Variants in TRIOBP observed in about 807,000 individuals in gnomAD.
TRIOBP encodes TRIO and F-actin binding protein, also known as TRIO and F-actin-binding protein.
In TRIOBP, 169 loss-of-function variants were observed where a neutral mutation model predicts 238.8. That is an observed-to-expected ratio of 0.71 (90% CI 0.62 to 0.80). The LOEUF is 0.80. Ranked by LOEUF, TRIOBP falls within the 30% of genes least tolerant of loss-of-function variation. TRIOBP has a pLI of 0.00. For synonymous variants in TRIOBP, 1,150 were observed against 1,274.4 expected, an observed-to-expected ratio of 0.90 and a Z score of 2.08; for missense variants, 2,838 against 3,122.6, an observed-to-expected ratio of 0.91 and a Z score of 2.17.
At position 37,725,204 on chromosome 22, in the gene TRIOBP, C is replaced by A. The variant is rs758687290; in HGVS notation, c.2648C>A (p.Pro883His). The part of the protein sequence containing the change: ...TQKENLRPSS[P>H]HRSTQWNNPR... ...AAGGAGAATCTGAGACCATCATCTC[C>A]CCACCGCTCCACTCAATGGAACAAT... Residue 883 changes from proline to histidine, a missense_variant, in exon 7 of 24, where the codon CCC becomes CAC. Pro to His is a moderately conservative substitution (Grantham distance 77). This residue lies in a region of TRIOBP where 2,096 missense variants were observed against 2,137.4 expected (regional missense o/e 0.98). Transcript: ENST00000644935. The A allele has an allele frequency of 9.9e-6, 16 of 1,614,040 alleles. No individual in the cohort carries two copies. The highest frequency in any genetic ancestry group is 1.1e-5 in the Non-Finnish European group (13 of 1,179,982).
intron 11 of TRIOBP, among the ~76,000 whole-genome samples, chr22:37,749,383 G>T (rs1197094640): frequency 6.6e-6 from 1 of 152,050 alleles, no homozygotes; most frequent in African/African-American, 2.4e-5. Context: ...AGCCGTCCCT[G>T]GAACTGTTAA....
chr22:37,768,971 C>G, intron 19 of TRIOBP, 57 bp from the exon 20 acceptor site: 1 of 1,611,512 alleles, frequency 6.2e-7, no homozygotes. Flanking sequence ...TGACTGGACT[C>G]CAGGCTTGGC....
chr22:37,704,278 G>A (rs544488435), intron 3 of TRIOBP, among the ~76,000 whole-genome samples: 15 of 152,156 alleles, frequency 9.9e-5, no homozygotes, highest in Non-Finnish European at 2.1e-4. Context: ...AGTTACTCAG[G>A]AGGCTGAGGT....
chr22:37,772,864 T>C (rs1926853630), intron 23 of TRIOBP, 100 bp downstream of exon 23: 1 of 1,426,984 alleles, frequency 7.0e-7, no homozygotes, highest in African/African-American at 1.4e-5. Context: ...TTCCTTCTTC[T>C]GGCCTCCAAT....
chr22:37,727,099 G>A (rs1334233797), intron 7 of TRIOBP, among the ~76,000 whole-genome samples: 1 of 151,458 alleles, frequency 6.6e-6, no homozygotes, highest in Non-Finnish European at 1.5e-5. Flanking sequence ...ACTAGAGACG[G>A]GGTTTCGCCA....
At chr22:37,739,887 G>A (rs367884385) in intron 10 of TRIOBP, among the ~76,000 whole-genome samples, 8 of 152,300 alleles carry the variant, frequency 5.3e-5, no homozygotes, top group South Asian at 2.1e-4. Flanking sequence ...AAACGGGCCC[G>A]GCCCATCAAC....
At chr22:37,731,815 C>T (rs1388883536) in intron 7 of TRIOBP, among the ~76,000 whole-genome samples, 1 of 152,188 alleles carries the variant, frequency 6.6e-6, no homozygotes, top group Middle Eastern at 3.2e-3. Flanking sequence ...GTCTTGAACT[C>T]CTGAGCTCAA....
chr22:37,751,282 C>G (rs975223138), intron 11 of TRIOBP: 1 of 346,376 alleles, frequency 2.9e-6, no homozygotes, highest in African/African-American at 2.2e-5. Flanking sequence ...GTGACTGGCT[C>G]CACCTCCCAT....
chr22:37,727,282 GAGA>G (rs1199106185), intron 7 of TRIOBP, among the ~76,000 whole-genome samples: 1 of 151,696 alleles, frequency 6.6e-6, no homozygotes, highest in East Asian at 1.9e-4. Flanking sequence ...GTGCATGAGG[GAGA>G]AGAAGAAAGT....
intron 5 of TRIOBP, among the ~76,000 whole-genome samples, chr22:37,714,843 T>G (rs1464584221): frequency 4.0e-5 from 6 of 151,806 alleles, no homozygotes; most frequent in Non-Finnish European, 8.8e-5. Context: ...TGCCTAGTTA[T>G]TATTATTTTT....
intron 17 of TRIOBP, chr22:37,760,081 T>C (rs1926166344): frequency 6.4e-6 from 1 of 156,024 alleles, no homozygotes; most frequent in South Asian, 1.9e-4. Context: ...TTTATGGTAA[T>C]GAGTAAGATG....
At chr22:37,699,377 G>A (rs1311612081) in intron 2 of TRIOBP, among the ~76,000 whole-genome samples, 2 of 151,854 alleles carry the variant, frequency 1.3e-5, no homozygotes, top group African/African-American at 4.8e-5. Context: ...GAGAGAGCAG[G>A]GACACACACA....
In TRIOBP at chr22:37,743,800, A is replaced by AGTGT. The variant is rs1238130911; in HGVS notation, c.5322+2768_5322+2769insGTGT. Among the ~76,000 whole-genome samples, 143 of 55,392 alleles carry AGTGT rather than the reference A, an allele frequency of 2.6e-3. 1 individual carries two copies. Among genetic ancestry groups the AGTGT allele is most frequent in the East Asian group, 0.02 (41 of 2,084 alleles). The allele number at this position is 55,392 out of a possible 152,430, so 36.3% of individuals were successfully genotyped here. On this transcript the variant is annotated intron_variant, in intron 11 of 23. Coordinates refer to ENST00000644935, the MANE Select transcript of TRIOBP (RefSeq NM_001039141.3). Reference sequence around the variant, plus strand: ...GGGGGAAGGGGAGAAAGAGAGAGAGAATGTGTGTGTGTGTGTGTGTGTGTG... The same window carrying AGTGT: ...GGGGGAAGGGGAGAAAGAGAGAGAGAGTGTATGTGTGTGTGTGTGTGTGTGTGTG...
In TRIOBP at chr22:37,723,836, A is replaced by G. The variant is rs1601630945; in HGVS notation, c.1280A>G (p.Asn427Ser). 1 of 1,591,118 alleles carries G rather than the reference A, an allele frequency of 6.3e-7. No individual in the cohort carries two copies. ...TSSPNRATRD[N>S]PRTSCAQRDN... ...TCTCCCAATAGAGCCACACGAGACA[A>G]CCCCAGAACATCCTGCGCCCAGCGG... The change falls in exon 7 of 24, where the codon AAC (asparagine) becomes AGC (serine). Residue 427 changes from asparagine to serine, a missense_variant. This residue lies in a region of TRIOBP where 26 missense variants were observed against 49.3 expected (regional missense o/e 0.53). Transcript: ENST00000644935.
At position 37,725,838 on chromosome 22, in the gene TRIOBP, C is replaced by T. The variant is rs373257196; in HGVS notation, c.3282C>T (p.Ala1094=). The T allele has an allele frequency of 2.0e-4, 327 of 1,611,798 alleles. No homozygotes were observed. Among genetic ancestry groups the T allele is most frequent in the Non-Finnish European group, 2.4e-4 (282 of 1,179,202 alleles). ...PFPFLPDTSD[A]EHQCQSPQHE... is the part of the protein sequence containing the mutation. ...CCTTCCTCCCAGACACATCAGATGC[C>T]GAGCATCAGTGTCAGTCCCCCCAAC... Residue 1094 remains alanine (A), a synonymous_variant, in exon 7 of 24, where the codon GCC becomes GCT. Coordinates refer to ENST00000644935, the MANE Select transcript of TRIOBP (RefSeq NM_001039141.3).
chr22:37,748,517 G>A (rs1365249367), intron 11 of TRIOBP, among the ~76,000 whole-genome samples: 2 of 152,126 alleles, frequency 1.3e-5, no homozygotes, highest in Non-Finnish European at 2.9e-5. Context: ...AGTCCACCAG[G>A]GCAGGGGCCA....
intron 17 of TRIOBP, among the ~76,000 whole-genome samples, chr22:37,762,860 G>T (rs1195861242): frequency 6.6e-6 from 1 of 152,144 alleles, no homozygotes; most frequent in Admixed American, 6.5e-5. Flanking sequence ...TTGGGGGCTT[G>T]CTGCTGCACG....
At chr22:37,722,706 G>A (rs766398473) in intron 6 of TRIOBP, among the ~76,000 whole-genome samples, 7 of 152,206 alleles carry the variant, frequency 4.6e-5, no homozygotes, top group Non-Finnish European at 8.8e-5. Context: ...CAGCCTGGGC[G>A]ACAGAGCGAG....
intron 11 of TRIOBP, among the ~76,000 whole-genome samples, chr22:37,741,823 C>T (rs1924947618): frequency 1.3e-5 from 2 of 152,186 alleles, no homozygotes; most frequent in African/African-American, 4.8e-5. Flanking sequence ...CTTACTGAGC[C>T]TCGGTTGCCA....
Sources: gnomAD v4.1 joint callset for allele counts (sites outside exome capture counted in the v4.1 genomes callset) on GRCh38, gnomAD v4.1.1 for gene constraint, gnomAD v4.1.1 regional missense constraint, MANE v1.5 for transcripts, NCBI Gene and HGNC (gene_info 2026-07-23, HGNC 2026-07-21) for gene names.